Variants in JAK1 observed in about 807,000 individuals in gnomAD.
JAK1 encodes the protein Janus kinase 1.
In JAK1, 16 loss-of-function variants were observed where a neutral mutation model predicts 136.6. The ratio of observed to expected loss-of-function variants is 0.12; its 90% CI spans 0.08 to 0.18. The LOEUF is 0.18. Among genes scored for constraint, JAK1 ranks in the 10% least tolerant of loss-of-function variants. The pLI is 1.00. For synonymous variants in JAK1, 492 were observed against 519.5 expected, an observed-to-expected ratio of 0.95 and a Z score of 0.72; for missense variants, 859 against 1,450.1, an observed-to-expected ratio of 0.59 and a Z score of 6.62.
At chr1:64,871,104 A>T (rs1657046022) in intron 5 of JAK1, among the ~76,000 whole-genome samples, 1 of 152,236 alleles carries the variant, frequency 6.6e-6, no homozygotes, top group South Asian at 2.1e-4. Context: ...GAATCCAAAA[A>T]GACCATCTAA....
chr1:64,938,897 AT>A (rs1362134311), intron 1 of JAK1, among the ~76,000 whole-genome samples: 3 of 152,296 alleles, frequency 2.0e-5, no homozygotes, highest in African/African-American at 7.2e-5. Context: ...CTCCCCTGGC[AT>A]TCTTAATGTT....
chr1:64,887,120 C>G (rs1313355903), intron 1 of JAK1, among the ~76,000 whole-genome samples: 1 of 152,198 alleles, frequency 6.6e-6, no homozygotes, highest in East Asian at 1.9e-4. Flanking sequence ...AACACAAAAG[C>G]AACCTAAAAT....
chr1:64,869,533 C>CAGTA, intron 5 of JAK1, 59 bp from the exon 6 acceptor site: 1 of 1,461,926 alleles, frequency 6.8e-7, no homozygotes, highest in Non-Finnish European at 9.5e-7. Context: ...GACAAGAAGG[C>CAGTA]TACTACACAG....
intron 2 of JAK1, among the ~76,000 whole-genome samples, chr1:64,883,767 C>A (rs1176088288): frequency 6.6e-6 from 1 of 151,840 alleles, no homozygotes; most frequent in African/African-American, 2.4e-5. Flanking sequence ...TTAGACATGG[C>A]CTGAATTTAT....
intron 12 of JAK1, among the ~76,000 whole-genome samples, chr1:64,848,903 C>T (rs147815405): frequency 1.7e-4 from 26 of 152,318 alleles, no homozygotes; most frequent in African/African-American, 6.0e-4. Flanking sequence ...AGCCGAATGG[C>T]GATGCATCCA....
chr1:64,952,570 T>A (rs1646110841), intron 1 of JAK1, among the ~76,000 whole-genome samples: 1 of 152,196 alleles, frequency 6.6e-6, no homozygotes, highest in South Asian at 2.1e-4. Flanking sequence ...TTTTTCAAAG[T>A]GTCTAGGCAA....
At chr1:64,904,388 AAG>A in intron 1 of JAK1, among the ~76,000 whole-genome samples, 1 of 152,308 alleles carries the variant, frequency 6.6e-6, no homozygotes, top group Admixed American at 6.5e-5. Context: ...TCCTTCTAAA[AAG>A]AGAGAGAAGG....
chr1:65,054,850 G>A (rs1647459159), intron 1 of JAK1, among the ~76,000 whole-genome samples: 1 of 152,110 alleles, frequency 6.6e-6, no homozygotes, highest in South Asian at 2.1e-4. Flanking sequence ...ATGTGTAAAG[G>A]ACTTCAGATT....
intron 1 of JAK1, among the ~76,000 whole-genome samples, chr1:64,910,306 G>T (rs1645261305): frequency 6.6e-6 from 1 of 152,098 alleles, no homozygotes; most frequent in Non-Finnish European, 1.5e-5. Context: ...TTAAGGATGG[G>T]CTACGAATTT....
chr1:65,034,366 A>G (rs1483844877), intron 2 of JAK1, among the ~76,000 whole-genome samples: 3 of 152,228 alleles, frequency 2.0e-5, no homozygotes, highest in Admixed American at 1.3e-4. Flanking sequence ...AGGAAGGATC[A>G]GGACAGACTT....
At chr1:65,045,214 T>C (rs1647173341) in intron 1 of JAK1, among the ~76,000 whole-genome samples, 2 of 152,236 alleles carry the variant, frequency 1.3e-5, no homozygotes, top group African/African-American at 4.8e-5. Flanking sequence ...CTCTAATAAC[T>C]GCAGCGGACT....
chr1:64,931,315 T>TC, intron 1 of JAK1, among the ~76,000 whole-genome samples: 1 of 152,226 alleles, frequency 6.6e-6, no homozygotes, highest in African/African-American at 2.4e-5. Flanking sequence ...GATTACCTGC[T>TC]CATCCTTGTT....
At chr1:64,998,941 G>C (rs1329944493) in intron 2 of JAK1, among the ~76,000 whole-genome samples, 1 of 152,112 alleles carries the variant, frequency 6.6e-6, no homozygotes, top group Admixed American at 6.5e-5. Flanking sequence ...CAGATGTTTA[G>C]GACCAAACTT....
At chr1:64,891,759 A>G (rs951113247) in intron 1 of JAK1, among the ~76,000 whole-genome samples, 3 of 152,258 alleles carry the variant, frequency 2.0e-5, no homozygotes, top group African/African-American at 7.2e-5. Flanking sequence ...GGACGACATC[A>G]TATAAATACA....
chr1:64,879,283 C>G, intron 3 of JAK1, 135 bp from the exon 4 acceptor site: 2 of 1,001,384 alleles, frequency 2.0e-6, no homozygotes, highest in Non-Finnish European at 2.9e-6. Context: ...CCTCTTAGGG[C>G]AAACAGACTT....
intron 19 of JAK1, 40 bp downstream of exon 19, chr1:64,841,205 G>A (rs750668495): frequency 1.5e-6 from 2 of 1,374,414 alleles, no homozygotes; most frequent in Non-Finnish European, 2.1e-6. Context: ...GATGGCGGAG[G>A]GCTCTGCCAT....
At chr1:65,063,516 C>T (rs1234518678) in intron 1 of JAK1, among the ~76,000 whole-genome samples, 2 of 152,046 alleles carry the variant, frequency 1.3e-5, no homozygotes, top group Non-Finnish European at 2.9e-5. Flanking sequence ...TGAAATTAAT[C>T]CATGGGGCTA....
At chr1:65,024,793 A>G (rs1646964535) in intron 2 of JAK1, among the ~76,000 whole-genome samples, 1 of 152,098 alleles carries the variant, frequency 6.6e-6, no homozygotes, top group South Asian at 2.1e-4. Context: ...CCTGGCCAAC[A>G]TGGTGAGACC....
intron 2 of JAK1, among the ~76,000 whole-genome samples, chr1:65,008,407 T>C (rs1202290046): frequency 1.3e-5 from 2 of 152,214 alleles, no homozygotes; most frequent in African/African-American, 4.8e-5. Context: ...TTCCTGAATG[T>C]CAAACTAAAA....
Sources: gnomAD v4.1 joint callset for allele counts (sites outside exome capture counted in the v4.1 genomes callset) on GRCh38, gnomAD v4.1.1 for gene constraint, MANE v1.5 for transcripts, NCBI Gene and HGNC (gene_info 2026-07-23, HGNC 2026-07-21) for gene names.